Variants in SGK1 observed in about 807,000 individuals in gnomAD.
SGK1 encodes serine/threonine-protein kinase Sgk1.
Under a neutral mutation model 64.2 loss-of-function variants are expected in SGK1, and 26 were observed. That is an observed-to-expected ratio of 0.40 (90% CI 0.30 to 0.56). SGK1 has a LOEUF of 0.56. SGK1 is among the 20% of genes least tolerant of loss of function. The pLI, the probability that SGK1 is intolerant of heterozygous loss-of-function variation, is 0.38. For synonymous variants in SGK1, 265 were observed against 239.7 expected (o/e 1.11, Z -0.98); for missense variants, 519 against 645.6 (o/e 0.80, Z 2.12).
intron 1 of SGK1, chr6:134,297,259 C>T (rs958770760): frequency 5.8e-6 from 7 of 1,213,098 alleles, no homozygotes; most frequent in African/African-American, 3.0e-5. Flanking sequence ...CTGTAGGTTG[C>T]GATCTCAATG....
chr6:134,195,173 C>T (rs1775577726), intron 3 of SGK1, among the ~76,000 whole-genome samples: 1 of 152,096 alleles, frequency 6.6e-6, no homozygotes, highest in South Asian at 2.1e-4. Flanking sequence ...AAAATAAGCA[C>T]ATGAAAATAC....
At chr6:134,227,296 G>A (rs932090666) in intron 2 of SGK1, among the ~76,000 whole-genome samples, 8 of 152,066 alleles carry the variant, frequency 5.3e-5, no homozygotes, top group African/African-American at 1.9e-4. Context: ...TACCATGCCT[G>A]GCTAATTTTT....
At position 134,170,348 on chromosome 6, in the gene SGK1, G is replaced by A; in HGVS notation, c.1501C>T (p.Leu501Phe). The A allele has an allele frequency of 6.2e-7, 1 of 1,614,164 alleles. No individual in the cohort carries two copies. Among genetic ancestry groups the A allele is most frequent in the Non-Finnish European group, 8.5e-7 (1 of 1,179,998 alleles). ...GCTTCCTTGACGCTGGCTGTGACGA[G>A]GACGCTGTCAGGGGACTTGCCAATG... ...NSIGKSPDSV[L>F]VTASVKEAAE... Residue 501 changes from leucine to phenylalanine, a missense_variant, in exon 14 of 14, where the codon CTC becomes TTC. Physicochemically the swap from Leu to Phe is conservative, Grantham distance 22. Coordinates refer to ENST00000367858, the MANE Select transcript of SGK1 (RefSeq NM_001143676.3).
chr6:134,213,573 C>A (rs1462715473), intron 2 of SGK1, among the ~76,000 whole-genome samples: 1 of 110,496 alleles, frequency 9.1e-6, no homozygotes, highest in Non-Finnish European at 1.9e-5. Flanking sequence ...ACACCTGTGG[C>A]TTAGCATTCC....
chr6:134,185,992 C>G (rs1169670192), intron 3 of SGK1, among the ~76,000 whole-genome samples: 1 of 152,062 alleles, frequency 6.6e-6, no homozygotes, highest in Non-Finnish European at 1.5e-5. Flanking sequence ...GGGGGCGGGT[C>G]TTTTCTACTT....
rs1018411759 is a variant in SGK1, at chr6:134,169,871, A to G, written c.*397T>C. 3 of 156,078 alleles carry G rather than the reference A, an allele frequency of 1.9e-5. No homozygotes were observed. The highest frequency in any genetic ancestry group is 7.2e-5 in the African/African-American group (3 of 41,566). 9.7% of individuals were successfully genotyped at this position (156,078 alleles called of 1,614,324 possible). ...GAAAATAAAGAACTGAAACACTGCG[A>G]TAGGAAAAGCTTTGGAGCTAACACA... On this transcript the variant is annotated 3_prime_UTR_variant, in exon 14 of 14. Coordinates refer to ENST00000367858, the MANE Select transcript of SGK1 (RefSeq NM_001143676.3).
chr6:134,274,111 C>A (rs972238917), intron 1 of SGK1, among the ~76,000 whole-genome samples: 25 of 152,100 alleles, frequency 1.6e-4, no homozygotes, highest in Non-Finnish European at 3.2e-4. Flanking sequence ...TCAAGAGATT[C>A]TCCTGCCTCA....
chr6:134,208,181 G>T (rs1050635577), intron 2 of SGK1, among the ~76,000 whole-genome samples: 1 of 151,994 alleles, frequency 6.6e-6, no homozygotes, highest in African/African-American at 2.4e-5. Flanking sequence ...CAAAGTGCTG[G>T]GATTATAAGC....
At chr6:134,267,669 T>G (rs901775844) in intron 1 of SGK1, among the ~76,000 whole-genome samples, 2 of 152,112 alleles carry the variant, frequency 1.3e-5, no homozygotes, top group East Asian at 1.9e-4. Flanking sequence ...AAATAAAGCA[T>G]ATGAATGATC....
intron 2 of SGK1, among the ~76,000 whole-genome samples, chr6:134,245,227 T>C (rs1776509124): frequency 6.6e-6 from 1 of 152,202 alleles, no homozygotes; most frequent in South Asian, 2.1e-4. Flanking sequence ...TGAGGCACCA[T>C]GCCAAGCCCT....
chr6:134,234,798 C>T (rs1012795795), intron 2 of SGK1, among the ~76,000 whole-genome samples: 1 of 152,174 alleles, frequency 6.6e-6, no homozygotes, highest in African/African-American at 2.4e-5. Flanking sequence ...ATGGCTTGAA[C>T]CTGGGAGGTG....
At chr6:134,226,820 G>C (rs1582726592) in intron 2 of SGK1, among the ~76,000 whole-genome samples, 1 of 152,244 alleles carries the variant, frequency 6.6e-6, no homozygotes, top group Admixed American at 6.5e-5. Context: ...TGAGTAGCTG[G>C]GACTGCAGGC....
Position 134,179,520 on chromosome 6 carries a change from AATG to A in SGK1, c.362-4937_362-4935del, listed in dbSNP as rs138394313. Among the ~76,000 whole-genome samples the A allele has an allele frequency of 4.6e-3, 683 of 149,866 alleles. 5 individuals carry two copies. Among genetic ancestry groups the A allele is most frequent in the African/African-American group, 0.015 (621 of 40,760 alleles). On this transcript the variant is annotated intron_variant, in intron 3 of 13. Coordinates refer to ENST00000367858, the MANE Select transcript of SGK1 (RefSeq NM_001143676.3). ...TTTTTTTTTTTTTTTTTTTACAGAA[AATG>A]ATGATGACAAATGAGTTTATTCATT...
intron 3 of SGK1, among the ~76,000 whole-genome samples, chr6:134,178,797 A>G (rs1775288228): frequency 6.6e-6 from 1 of 151,926 alleles, no homozygotes; most frequent in African/African-American, 2.4e-5. Flanking sequence ...TTGATAGGAG[A>G]TAGGCTAATT....
intron 4 of SGK1, 53 bp from the exon 5 acceptor site, chr6:134,174,133 A>G (rs1775130291): frequency 1.5e-6 from 2 of 1,319,780 alleles, no homozygotes; most frequent in Non-Finnish European, 2.1e-6. Flanking sequence ...TAGGGGGCAC[A>G]CCAACATCAA....
chr6:134,170,792 C>G, intron 13 of SGK1, 34 bp downstream of exon 13: 3 of 1,350,422 alleles, frequency 2.2e-6, no homozygotes, highest in South Asian at 2.4e-5. Context: ...GCCCTTTGGG[C>G]TTCTCTATAC....
intron 2 of SGK1, among the ~76,000 whole-genome samples, chr6:134,246,348 G>T (rs1227333229): frequency 6.6e-6 from 1 of 151,358 alleles, no homozygotes; most frequent in Non-Finnish European, 1.5e-5. Context: ...GTAGAGAAGG[G>T]GTTTCACCAT....
Position 134,172,156 on chromosome 6 carries a change from G to A in SGK1, c.1071+37C>T, listed in dbSNP as rs547660348. Reference sequence around the variant, plus strand: ...ATTGTACATCTCTCTCTTGGAAGGCGGGGGTAAACCAGGCACCAAACCAAG... The same window carrying A: ...ATTGTACATCTCTCTCTTGGAAGGCAGGGGTAAACCAGGCACCAAACCAAG... On this transcript the variant is annotated intron_variant, in intron 10 of 13. Transcript: ENST00000367858. 155 of 1,605,732 alleles carry A rather than the reference G, an allele frequency of 9.7e-5. 1 individual carries two copies. The highest frequency in any genetic ancestry group is 3.3e-4 in the Middle Eastern group (2 of 6,028).
At chr6:134,174,922 C>G (rs960964336) in intron 3 of SGK1, 4 of 1,532,794 alleles carry the variant, frequency 2.6e-6, no homozygotes, top group Non-Finnish European at 2.6e-6. Flanking sequence ...GCGGGGCCTG[C>G]GCGACAGTGA....
Sources: gnomAD v4.1 joint callset for allele counts (sites outside exome capture counted in the v4.1 genomes callset) on GRCh38, gnomAD v4.1.1 for gene constraint, MANE v1.5 for transcripts, NCBI Gene and HGNC (gene_info 2026-07-23, HGNC 2026-07-21) for gene names.